SLC2A13: variants seen among roughly 807,000 people sequenced by gnomAD.
SLC2A13 encodes solute carrier family 2 member 13.
SLC2A13 carries 32 observed loss-of-function variants against 64.4 expected under a neutral mutation model. The ratio of observed to expected loss-of-function variants is 0.50; its 90% CI spans 0.37 to 0.67. SLC2A13 has a LOEUF of 0.67. Among genes scored for constraint, SLC2A13 ranks in the 30% least tolerant of loss-of-function variants. SLC2A13 has a pLI of 0.00. For synonymous variants in SLC2A13, 338 were observed against 327.1 expected (o/e 1.03, Z -0.36); for missense variants, 743 against 829.2 (o/e 0.90, Z 1.28).
rs555468325 is a variant in SLC2A13 at position 39,926,220 on chromosome 12, T to A, written c.1034+25037A>T. ...AAATATAAATAAATAACCCTTTGTATTTAAATAATTATAATATCTTATAAA... is the reference window on the plus strand; with the variant it reads ...AAATATAAATAAATAACCCTTTGTAATTAAATAATTATAATATCTTATAAA... On this transcript the variant is annotated intron_variant, in intron 4 of 9. Transcript: ENST00000280871. 9.9e-5 allele frequency among the ~76,000 whole-genome samples: 15 copies of A among 152,232 alleles called. No homozygotes were observed. The South Asian group carries it at 3.1e-3, about 32-fold the overall frequency.
intron 3 of SLC2A13, among the ~76,000 whole-genome samples, chr12:39,960,105 C>A (rs1351169825): frequency 6.6e-6 from 1 of 152,062 alleles, no homozygotes; most frequent in African/African-American, 2.4e-5. Flanking sequence ...GTAAATATAT[C>A]TTTATTGGGG....
intron 7 of SLC2A13, among the ~76,000 whole-genome samples, chr12:39,774,536 G>T (rs1434377607): frequency 6.6e-6 from 1 of 150,910 alleles, no homozygotes; most frequent in African/African-American, 2.4e-5. Flanking sequence ...TTGCAGTGTG[G>T]AGACCATGTT....
intron 1 of SLC2A13, among the ~76,000 whole-genome samples, chr12:40,094,176 G>T (rs1384151181): frequency 6.6e-6 from 1 of 152,196 alleles, no homozygotes; most frequent in Non-Finnish European, 1.5e-5. Context: ...GGCTTTTGGT[G>T]CAAGCCCCAG....
chr12:40,051,678 G>C (rs1047948286), intron 1 of SLC2A13, among the ~76,000 whole-genome samples: 4 of 152,112 alleles, frequency 2.6e-5, no homozygotes, highest in African/African-American at 9.7e-5. Flanking sequence ...GGGGAGAGTT[G>C]GGAGGTACTG....
intron 5 of SLC2A13, among the ~76,000 whole-genome samples, chr12:39,865,744 G>A (rs1943889866): frequency 6.6e-6 from 1 of 152,196 alleles, no homozygotes; most frequent in African/African-American, 2.4e-5. Context: ...GATGGAGCTG[G>A]AGGCCATGAT....
intron 4 of SLC2A13, among the ~76,000 whole-genome samples, chr12:39,919,407 G>A (rs1240926492): frequency 1.3e-5 from 2 of 151,862 alleles, no homozygotes; most frequent in Admixed American, 6.6e-5. Flanking sequence ...AAACACAAAG[G>A]TACACAGAGG....
chr12:40,087,983 A>G (rs567984002), intron 1 of SLC2A13, among the ~76,000 whole-genome samples: 1 of 152,306 alleles, frequency 6.6e-6, no homozygotes, highest in South Asian at 2.1e-4. Flanking sequence ...TGCATGGTAG[A>G]TATGTTAAAA....
At chr12:39,875,564 A>C (rs1944162299) in intron 4 of SLC2A13, among the ~76,000 whole-genome samples, 1 of 152,222 alleles carries the variant, frequency 6.6e-6, no homozygotes, top group Non-Finnish European at 1.5e-5. Context: ...CTATCACAGT[A>C]AACGTACTAA....
At chr12:39,841,843 G>T (rs4388962) in intron 6 of SLC2A13, among the ~76,000 whole-genome samples, 82,139 of 151,822 alleles carry the variant, frequency 0.54, 22,436 homozygotes, top group East Asian at 0.74. Context: ...GAAATTCTTA[G>T]GTTTGCAAAC....
intron 7 of SLC2A13, among the ~76,000 whole-genome samples, chr12:39,821,764 G>A (rs1158101312): frequency 1.3e-5 from 2 of 152,094 alleles, no homozygotes; most frequent in East Asian, 3.9e-4. Context: ...TAATTTCCTT[G>A]GCCAGAACAG....
chr12:39,951,034 C>G (rs1047268277), intron 4 of SLC2A13: 1 of 422,932 alleles, frequency 2.4e-6, no homozygotes, highest in Non-Finnish European at 4.1e-6. Context: ...TTTATGGAAT[C>G]AAATAAAGCC....
At chr12:40,070,112 G>A (rs554104357) in intron 1 of SLC2A13, among the ~76,000 whole-genome samples, 1 of 151,050 alleles carries the variant, frequency 6.6e-6, no homozygotes, top group African/African-American at 2.4e-5. Context: ...TTGACAAAGA[G>A]TATTATTAGA....
intron 2 of SLC2A13, among the ~76,000 whole-genome samples, chr12:40,028,760 A>G (rs1174376178): frequency 6.6e-6 from 1 of 152,226 alleles, no homozygotes; most frequent in East Asian, 1.9e-4. Flanking sequence ...GAATGAGCAA[A>G]AGCTACAGTC....
At chr12:40,020,296 C>G (rs776418182) in intron 3 of SLC2A13, among the ~76,000 whole-genome samples, 19 of 152,162 alleles carry the variant, frequency 1.2e-4, no homozygotes, top group Admixed American at 5.9e-4. Context: ...AGGAAGGGAC[C>G]TGGTGAGAGG....
intron 4 of SLC2A13, among the ~76,000 whole-genome samples, chr12:39,880,769 C>G (rs1171051731): frequency 6.6e-6 from 1 of 152,202 alleles, no homozygotes; most frequent in Admixed American, 6.5e-5. Flanking sequence ...GGCTTCATAC[C>G]TCTGGCGGCC....
intron 7 of SLC2A13, among the ~76,000 whole-genome samples, chr12:39,819,549 A>C (rs1286498916): frequency 6.6e-6 from 1 of 152,144 alleles, no homozygotes; most frequent in East Asian, 1.9e-4. Context: ...TTCTACAATA[A>C]ATTTTTCATT....
chr12:39,940,933 TA>T (rs1385524872), intron 4 of SLC2A13, among the ~76,000 whole-genome samples: 6 of 151,950 alleles, frequency 3.9e-5, no homozygotes, highest in African/African-American at 1.5e-4. Context: ...CCTCATAGCT[TA>T]GCTCCCCCAT....
chr12:39,764,928 A>AT, intron 7 of SLC2A13, 70 bp from the exon 8 acceptor site: 1 of 1,517,058 alleles, frequency 6.6e-7, no homozygotes, highest in Non-Finnish European at 8.9e-7. Context: ...CAATATGATC[A>AT]TATTTATGTA....
intron 7 of SLC2A13, among the ~76,000 whole-genome samples, chr12:39,808,692 T>G (rs1335205318): frequency 6.6e-6 from 1 of 152,200 alleles, no homozygotes; most frequent in East Asian, 1.9e-4. Flanking sequence ...TGTTGAACAT[T>G]ATATCTATGT....
Sources: gnomAD v4.1 joint callset for allele counts (sites outside exome capture counted in the v4.1 genomes callset) on GRCh38, gnomAD v4.1.1 for gene constraint, MANE v1.5 for transcripts, NCBI Gene and HGNC (gene_info 2026-07-23, HGNC 2026-07-21) for gene names.